PITPNM2: variants seen among roughly 807,000 people sequenced by gnomAD.
The protein encoded by PITPNM2 is phosphatidylinositol transfer protein membrane associated 2.
PITPNM2 carries 35 observed loss-of-function variants against 132.2 expected under a neutral mutation model. The ratio of observed to expected loss-of-function variants is 0.26; its 90% confidence interval spans 0.20 to 0.35. The LOEUF is 0.35. Among genes scored for constraint, PITPNM2 ranks in the 10% least tolerant of loss-of-function variants. PITPNM2 has a pLI of 1.00. For synonymous variants in PITPNM2, 738 were observed against 799.2 expected (o/e 0.92, Z 1.29); for missense variants, 1,332 against 1,912.0 (o/e 0.70, Z 5.66).
chr12:123,033,199 G>A (rs2040153366), intron 3 of PITPNM2, among the ~76,000 whole-genome samples: 1 of 152,246 alleles, frequency 6.6e-6, no homozygotes, highest in African/African-American at 2.4e-5. Flanking sequence ...TGGAGGCACT[G>A]ATATGCCCAG....
intron 1 of PITPNM2, among the ~76,000 whole-genome samples, chr12:123,143,227 A>T (rs1330519966): frequency 2.7e-5 from 4 of 150,048 alleles, no homozygotes; most frequent in Non-Finnish European, 3.0e-5. Flanking sequence ...TCACCACCTC[A>T]TGCAGGACAC....
chr12:123,018,034 TCCTCCCTCCCTC>T (rs1196290965), intron 3 of PITPNM2, among the ~76,000 whole-genome samples: 1 of 106,604 alleles, frequency 9.4e-6, no homozygotes, highest in Non-Finnish European at 1.9e-5. Flanking sequence ...CTTCCTTCCT[TCCTCCCTCCCTC>T]CCTCCCTCTT....
intron 1 of PITPNM2, among the ~76,000 whole-genome samples, chr12:123,130,906 G>T (rs1340578915): frequency 1.3e-5 from 2 of 152,136 alleles, no homozygotes; most frequent in Non-Finnish European, 2.9e-5. Flanking sequence ...TAAGCTTAGG[G>T]TGTAGAGGCC....
chr12:123,004,672 C>A lies in PITPNM2; in HGVS notation c.953-183G>T. On this transcript the variant is annotated intron_variant, in intron 7 of 25. Coordinates refer to ENST00000320201, the MANE Select transcript of PITPNM2 (RefSeq NM_020845.3). The surrounding 1 kb of genome is among the most constrained non-coding windows in gnomAD (Gnocchi z 4.9). ...AAATGAGTGGGGAGCGGCCTAGGCT[C>A]ATCTCCTGTCCGCCTGGCACAAGGC... 1 of 627,812 alleles carries A rather than the reference C, an allele frequency of 1.6e-6. No homozygotes were observed. The highest frequency in any genetic ancestry group is 1.8e-5 in the South Asian group (1 of 55,532). 38.9% of individuals were successfully genotyped at this position (627,812 alleles called of 1,614,324 possible). A position where few individuals can be genotyped will look rare whatever the true frequency, so the allele number is the denominator to read the frequency against.
At chr12:123,033,639 C>T (rs1231048030) in intron 3 of PITPNM2, among the ~76,000 whole-genome samples, 1 of 152,148 alleles carries the variant, frequency 6.6e-6, no homozygotes, top group Non-Finnish European at 1.5e-5. Context: ...CCCTGTGCTC[C>T]TTGGCAAGGC....
At chr12:123,130,994 A>G (rs1466398496) in intron 1 of PITPNM2, among the ~76,000 whole-genome samples, 1 of 152,174 alleles carries the variant, frequency 6.6e-6, no homozygotes, top group East Asian at 1.9e-4. Flanking sequence ...TGCCTAGGGC[A>G]CCAGAGACAT....
chr12:123,059,064 G>C (rs1342342327), intron 2 of PITPNM2, among the ~76,000 whole-genome samples: 1 of 152,250 alleles, frequency 6.6e-6, no homozygotes, highest in Non-Finnish European at 1.5e-5. Context: ...TAAGTACTTA[G>C]GAGAGGCACA....
chr12:123,063,816 GAAGTTACTTA>G (rs2041326403), intron 2 of PITPNM2, among the ~76,000 whole-genome samples: 1 of 152,178 alleles, frequency 6.6e-6, no homozygotes, highest in African/African-American at 2.4e-5. Flanking sequence ...TGGTCTTAAG[GAAGTTACTTA>G]AACTCTCTGA....
intron 2 of PITPNM2, among the ~76,000 whole-genome samples, chr12:123,103,266 C>T (rs1292822614): frequency 1.3e-5 from 2 of 152,224 alleles, no homozygotes; most frequent in Non-Finnish European, 2.9e-5. Context: ...CCTGATGATA[C>T]AGGCTCCCTG....
At position 122,992,347 on chromosome 12, in the gene PITPNM2, C is replaced by A. The variant is rs770076615; in HGVS notation, c.2404+152G>T. The A allele has an allele frequency of 2.6e-6, 1 of 379,392 alleles. No individual in the cohort carries two copies. The allele number at this position is 379,392 out of a possible 1,614,324, so 23.5% of individuals were successfully genotyped here. ...GGAGGGATGCACCACCCCCACCCCC[C>A]ACCCCCAACAGCTGTCCACCTCCAA... On this transcript the variant is annotated intron_variant, in intron 16 of 25. Coordinates refer to ENST00000320201, the MANE Select transcript of PITPNM2 (RefSeq NM_020845.3). The surrounding 1 kb of genome is among the most constrained non-coding windows in gnomAD (Gnocchi z 6.5).
chr12:123,088,681 T>C (rs1371614584), intron 2 of PITPNM2: 3 of 152,224 alleles, frequency 2.0e-5, no homozygotes, highest in Non-Finnish European at 2.9e-5. Context: ...GAGAGTTTTA[T>C]AGCTGATGTT....
chr12:123,003,394 T>C (rs537647449), intron 8 of PITPNM2, among the ~76,000 whole-genome samples: 13 of 152,268 alleles, frequency 8.5e-5, no homozygotes, highest in African/African-American at 3.1e-4. Flanking sequence ...CGTATTGTCC[T>C]CTCATCAGGG....
rs989300420 is a variant in PITPNM2, at chr12:123,022,103, A to C, written c.79-8061T>G. On this transcript the variant is annotated intron_variant, in intron 3 of 25. Coordinates refer to ENST00000320201, the MANE Select transcript of PITPNM2 (RefSeq NM_020845.3). The surrounding 1 kb of genome is among the most constrained non-coding windows in gnomAD (Gnocchi z 4.9). Reference sequence around the variant, plus strand: ...TGGAGTGAAGAGCCAGGCCTGGAAAACCCTTCATTTCCGGTGCTCAGAGGC... The same window carrying C: ...TGGAGTGAAGAGCCAGGCCTGGAAACCCCTTCATTTCCGGTGCTCAGAGGC... 1.3e-5 allele frequency among the ~76,000 whole-genome samples: 2 copies of C among 151,926 alleles called. No homozygotes were observed. The highest frequency in any genetic ancestry group is 2.4e-5 in the African/African-American group (1 of 41,358).
rs747618901 is a variant in PITPNM2 at position 123,000,740 on chromosome 12, CG to C, written c.1224+37del. On this transcript the variant is annotated intron_variant, in intron 10 of 25. Coordinates refer to ENST00000320201, the MANE Select transcript of PITPNM2 (RefSeq NM_020845.3). The surrounding 1 kb of genome is among the most constrained non-coding windows in gnomAD (Gnocchi z 5.4). ...CCTCTGCACCCTGCCCCTCCCTTGG[CG>C]GCCATGCCCCTGTCCCTCTGACACC... is the stretch of plus-strand genomic sequence containing the variant. The C allele has an allele frequency of 6.2e-7, 1 of 1,605,358 alleles. No individual in the cohort carries two copies. Among genetic ancestry groups the C allele is most frequent in the South Asian group, 1.1e-5 (1 of 90,374 alleles).
chr12:122,990,350 G>C (rs2038134079), intron 17 of PITPNM2, among the ~76,000 whole-genome samples, 195 bp downstream of exon 17: 1 of 152,264 alleles, frequency 6.6e-6, no homozygotes, highest in Admixed American at 6.5e-5. Flanking sequence ...CTTTGGACTT[G>C]ACCGGTCTCT....
At position 122,997,489 on chromosome 12, in the gene PITPNM2, G is replaced by A. The variant is rs754404186; in HGVS notation, c.1308C>T (p.Asp436=). 2.5e-6 allele frequency: 4 copies of A among 1,613,556 alleles called. No individual in the cohort carries two copies. Among genetic ancestry groups the A allele is most frequent in the South Asian group, 2.2e-5 (2 of 91,086 alleles). Residue 436 remains aspartate, a synonymous_variant, in exon 11 of 26, where the codon GAC becomes GAT. Transcript: ENST00000320201. The part of the protein sequence containing the change: ...LLVLHGGTIL[D]TGAGDPSSKK... ...TGGAGCTGGGGTCCCCGGCGCCTGTGTCCAGGATGGTGCCTCCGTGCAGCA... is the reference window on the plus strand; with the variant it reads ...TGGAGCTGGGGTCCCCGGCGCCTGTATCCAGGATGGTGCCTCCGTGCAGCA...
At chr12:123,116,268 A>C (rs376976753) in intron 1 of PITPNM2, among the ~76,000 whole-genome samples, 1 of 152,216 alleles carries the variant, frequency 6.6e-6, no homozygotes, top group East Asian at 1.9e-4. Context: ...AATAGCCAAA[A>C]GGTGGGCACA....
chr12:123,143,150 A>C (rs2137679726), intron 1 of PITPNM2, among the ~76,000 whole-genome samples: 2 of 50,560 alleles, frequency 4.0e-5, no homozygotes, highest in African/African-American at 7.7e-5. Context: ...CCCTCCCTCC[A>C]AGGGGCTGTC....
intron 8 of PITPNM2, among the ~76,000 whole-genome samples, chr12:123,002,561 C>T (rs912456057): frequency 4.6e-5 from 7 of 151,976 alleles, no homozygotes; most frequent in African/African-American, 1.5e-4. Flanking sequence ...TACAGGCATG[C>T]GCCACGACAC....
Sources: gnomAD v4.1 joint callset for allele counts (sites outside exome capture counted in the v4.1 genomes callset) on GRCh38, gnomAD v4.1.1 for gene constraint, Gnocchi (gnomAD v3.1) non-coding constraint, MANE v1.5 for transcripts, NCBI Gene and HGNC (gene_info 2026-07-23, HGNC 2026-07-21) for gene names.